Variants in CACNA2D1 observed in about 807,000 individuals in gnomAD.
CACNA2D1 encodes calcium voltage-gated channel auxiliary subunit alpha2delta 1.
CACNA2D1 carries 53 observed loss-of-function variants against 171.5 expected under a neutral mutation model. The ratio of observed to expected loss-of-function variants is 0.31; its 90% CI spans 0.25 to 0.39. The LOEUF is 0.39. CACNA2D1 is among the 10% of genes least tolerant of loss of function. CACNA2D1 has a pLI of 1.00. For synonymous variants in CACNA2D1, 442 were observed against 443.1 expected (o/e 1.00, Z 0.03); for missense variants, 903 against 1,299.8 (o/e 0.69, Z 4.69).
At chr7:82,155,448 T>A (rs1358828197) in intron 4 of CACNA2D1, among the ~76,000 whole-genome samples, 1 of 152,166 alleles carries the variant, frequency 6.6e-6, no homozygotes, top group Non-Finnish European at 1.5e-5. Context: ...AGTTACTTCC[T>A]CTAGAGCAAA....
chr7:82,188,157 A>G (rs1797955661), intron 3 of CACNA2D1, among the ~76,000 whole-genome samples: 2 of 152,130 alleles, frequency 1.3e-5, no homozygotes, highest in African/African-American at 2.4e-5. Flanking sequence ...CCCACTTTCT[A>G]GTATCATTGC....
intron 4 of CACNA2D1, among the ~76,000 whole-genome samples, chr7:82,146,765 T>A (rs1257463298): frequency 2.0e-5 from 3 of 150,488 alleles, no homozygotes; most frequent in Admixed American, 6.6e-5. Flanking sequence ...GGCGGGTAGA[T>A]CACCTGAGGT....
chr7:81,977,294 A>C (rs1795952552), intron 24 of CACNA2D1, among the ~76,000 whole-genome samples: 1 of 152,120 alleles, frequency 6.6e-6, no homozygotes. Context: ...CCTTTTCTGC[A>C]TCAATTGAGG....
chr7:82,294,236 A>G (rs779067981), intron 3 of CACNA2D1, among the ~76,000 whole-genome samples: 1 of 152,120 alleles, frequency 6.6e-6, no homozygotes, highest in Non-Finnish European at 1.5e-5. Flanking sequence ...CTTACTACTA[A>G]AAGTACTTAA....
At chr7:82,083,385 A>G (rs1392161696) in intron 7 of CACNA2D1, among the ~76,000 whole-genome samples, 3 of 151,788 alleles carry the variant, frequency 2.0e-5, no homozygotes, top group Admixed American at 2.0e-4. Context: ...CATCAGGTTT[A>G]TTATGCGCAT....
rs1482724960 is a variant in CACNA2D1, at chr7:82,267,588, T to G, written c.294+67547A>C. ...ATTAGCCTGGAAGTTCTAATAGGGT[T>G]CTAAATAGAATCCTTCTTTTTATAA... On this transcript the variant is annotated intron_variant, in intron 3 of 38. Transcript: ENST00000356860. Among the ~76,000 whole-genome samples, 3 of 152,248 alleles carry G rather than the reference T, an allele frequency of 2.0e-5. No homozygotes were observed. The East Asian group carries it at 5.8e-4, about 29-fold the overall frequency.
Position 81,948,972 on chromosome 7 carries a change from T to C in CACNA2D1, c.*1420A>G, listed in dbSNP as rs1792261006. On this transcript the variant is annotated 3_prime_UTR_variant, in exon 39 of 39. Transcript: ENST00000356860. ...TTTATTATTCACAATCAAGTATTCA[T>C]GTGCATACATAGAGATTCAAGGTTT... 6.6e-6 allele frequency: 1 copy of C among 152,018 alleles called. No individual in the cohort carries two copies. The highest frequency in any genetic ancestry group is 6.6e-5 in the Admixed American group (1 of 15,228). The allele number at this position is 152,018 out of a possible 1,614,324, so 9.4% of individuals were successfully genotyped here. A position where few individuals can be genotyped will look rare whatever the true frequency, so the allele number is the denominator to read the frequency against.
At chr7:82,381,046 C>T (rs951832917) in intron 1 of CACNA2D1, among the ~76,000 whole-genome samples, 9 of 151,752 alleles carry the variant, frequency 5.9e-5, no homozygotes, top group Admixed American at 4.6e-4. Context: ...GGTGTGGTGG[C>T]TCACGCCTGT....
intron 1 of CACNA2D1, among the ~76,000 whole-genome samples, chr7:82,409,024 CT>C (rs575034438): frequency 7.0e-4 from 102 of 145,790 alleles, no homozygotes; most frequent in Non-Finnish European, 5.8e-4. Context: ...AGTTGTCACT[CT>C]TTTTTTTTTT....
intron 1 of CACNA2D1, among the ~76,000 whole-genome samples, chr7:82,395,967 C>T (rs888348503): frequency 3.3e-5 from 5 of 152,164 alleles, no homozygotes; most frequent in African/African-American, 9.7e-5. Flanking sequence ...ATGCAGACTA[C>T]AGAATGCAGC....
rs564264904 is a variant in CACNA2D1, at chr7:82,007,843, C to G, written c.1363-87G>C. ...CACTAACCTTTGATATCTGAGATTGCATTTTATAGTTACTTTATAAAGAGC... is the reference window on the plus strand; with the variant it reads ...CACTAACCTTTGATATCTGAGATTGGATTTTATAGTTACTTTATAAAGAGC... On this transcript the variant is annotated intron_variant, in intron 15 of 38. Coordinates refer to ENST00000356860, the MANE Select transcript of CACNA2D1 (RefSeq NM_000722.4). The G allele has an allele frequency of 1.3e-5, 10 of 762,306 alleles. No individual in the cohort carries two copies. The African/African-American group carries it at 1.4e-4, about 11-fold the overall frequency. 47.2% of individuals were successfully genotyped at this position (762,306 alleles called of 1,614,324 possible).
chr7:82,138,741 C>T (rs569755660), intron 4 of CACNA2D1, among the ~76,000 whole-genome samples: 2 of 152,092 alleles, frequency 1.3e-5, no homozygotes, highest in Admixed American at 6.5e-5. Flanking sequence ...CCACCGCGCC[C>T]GACCTTATAG....
intron 3 of CACNA2D1, among the ~76,000 whole-genome samples, chr7:82,305,817 T>C (rs759037668): frequency 6.6e-6 from 1 of 152,212 alleles, no homozygotes; most frequent in Non-Finnish European, 1.5e-5. Context: ...ACACTTTTGG[T>C]GCTATGAGCA....
At chr7:82,050,572 G>A in intron 10 of CACNA2D1, 1 of 702,692 alleles carries the variant, frequency 1.4e-6, no homozygotes, top group Non-Finnish European at 2.6e-6. Context: ...AGACACAATA[G>A]TTTAATTACT....
chr7:82,134,597 T>TAA (rs1791391041), intron 5 of CACNA2D1, among the ~76,000 whole-genome samples: 1 of 152,182 alleles, frequency 6.6e-6, no homozygotes, highest in Admixed American at 6.5e-5. Context: ...TATAAGGCTT[T>TAA]AATTTGCTAA....
intron 3 of CACNA2D1, among the ~76,000 whole-genome samples, chr7:82,223,219 T>C (rs1450119644): frequency 6.6e-6 from 1 of 152,200 alleles, no homozygotes; most frequent in African/African-American, 2.4e-5. Context: ...ACTTTGCTTC[T>C]AATGTTTTAT....
chr7:82,076,266 C>A (rs1278861458), intron 7 of CACNA2D1, among the ~76,000 whole-genome samples: 2 of 151,984 alleles, frequency 1.3e-5, no homozygotes, highest in Admixed American at 6.6e-5. Flanking sequence ...AAATGCATCC[C>A]CACACAACAC....
At chr7:82,396,349 A>G (rs1825759057) in intron 1 of CACNA2D1, among the ~76,000 whole-genome samples, 1 of 152,168 alleles carries the variant, frequency 6.6e-6, no homozygotes, top group Admixed American at 6.5e-5. Flanking sequence ...AAATACATAA[A>G]TAAGATTTCT....
At chr7:82,070,539 A>G (rs1169401492) in intron 7 of CACNA2D1, among the ~76,000 whole-genome samples, 1 of 152,190 alleles carries the variant, frequency 6.6e-6, no homozygotes, top group Non-Finnish European at 1.5e-5. Context: ...CTCCTTCAGC[A>G]CTTGGATTCC....
Sources: allele counts gnomAD v4.1 joint callset (sites outside exome capture counted in the v4.1 genomes callset), GRCh38; gene constraint gnomAD v4.1.1; transcripts MANE v1.5; gene names NCBI Gene and HGNC (gene_info 2026-07-23, HGNC 2026-07-21).